The following SETD5 variants were observed in gnomAD, a reference collection of about 807,000 sequenced individuals.
SETD5 encodes the protein histone-lysine N-methyltransferase SETD5.
Under a neutral mutation model 153.3 loss-of-function variants are expected in SETD5, and 44 were observed. That is an observed-to-expected ratio of 0.29 (90% CI 0.23 to 0.37). The LOEUF is 0.37. SETD5 is among the 10% of genes least tolerant of loss of function. SETD5 has a pLI of 1.00. For synonymous variants in SETD5, 716 were observed against 645.2 expected (o/e 1.11, Z -1.66); for missense variants, 1,544 against 1,768.0 (o/e 0.87, Z 2.27).
intron 1 of SETD5, among the ~76,000 whole-genome samples, chr3:9,415,011 T>C (rs897173083): frequency 3.3e-5 from 5 of 152,202 alleles, no homozygotes; most frequent in Admixed American, 2.6e-4. Flanking sequence ...TCACTCTGTT[T>C]AGTGCTAGAA....
intron 17 of SETD5, among the ~76,000 whole-genome samples, chr3:9,455,948 T>C (rs375298602): frequency 1.3e-5 from 2 of 152,120 alleles, no homozygotes; most frequent in African/African-American, 4.8e-5. Context: ...TAAAAAGCAA[T>C]GTAGGAAAAT....
intron 1 of SETD5, among the ~76,000 whole-genome samples, chr3:9,400,085 C>G (rs2034514584): frequency 6.6e-6 from 1 of 152,162 alleles, no homozygotes; most frequent in South Asian, 2.1e-4. Flanking sequence ...AGAAACCTTG[C>G]TTTTCTGGGA....
At chr3:9,431,576 C>G in intron 3 of SETD5, 1 of 985,550 alleles carries the variant, frequency 1.0e-6, no homozygotes, top group Non-Finnish European at 1.2e-6. Context: ...GTTTCTTCAT[C>G]AGAAGATATG....
chr3:9,433,778 A>G, intron 3 of SETD5, 67 bp from the exon 4 acceptor site: 1 of 1,489,114 alleles, frequency 6.7e-7, no homozygotes, highest in Non-Finnish European at 9.4e-7. Context: ...AGAATGGGAA[A>G]TGAAGTGTTA....
Position 9,442,891 on chromosome 3 carries a change from T to A in SETD5, c.1078-417T>A, listed in dbSNP as rs2041473122. 8 of 169,658 alleles carry A rather than the reference T, an allele frequency of 4.7e-5. No individual in the cohort carries two copies. The South Asian group carries it at 9.7e-4, about 21-fold the overall frequency. The allele number at this position is 169,658 out of a possible 1,614,324, so 10.5% of individuals were successfully genotyped here. A position where few individuals can be genotyped will look rare whatever the true frequency, so the allele number is the denominator to read the frequency against. On this transcript the variant is annotated intron_variant, in intron 10 of 22. Coordinates refer to ENST00000402198, the MANE Select transcript of SETD5 (RefSeq NM_001080517.3). ...TCTCTACTAAAAAAAAATAGAAAAC[T>A]TAGCCAGGCATTGTGGCGTGTGCCT...
intron 17 of SETD5, among the ~76,000 whole-genome samples, chr3:9,456,033 ATTAC>A: frequency 6.6e-6 from 1 of 152,308 alleles, no homozygotes; most frequent in South Asian, 2.1e-4. Context: ...ATTCTGAGGA[ATTAC>A]TTTTATTTGT....
At chr3:9,443,253 T>C (rs2041529160) in intron 10 of SETD5, 55 bp from the exon 11 acceptor site, 2 of 1,279,358 alleles carry the variant, frequency 1.6e-6, no homozygotes, top group African/African-American at 1.5e-5. Flanking sequence ...TTTTTCTCTC[T>C]TACGGAAAGT....
intron 7 of SETD5, 109 bp from the exon 8 acceptor site, chr3:9,440,347 A>G (rs932357532): frequency 4.6e-6 from 3 of 648,198 alleles, no homozygotes; most frequent in Non-Finnish European, 8.4e-6. Flanking sequence ...ATGCCACATC[A>G]ATTGCCAAGT....
At chr3:9,437,673 TC>T (rs1559407986) in intron 7 of SETD5, among the ~76,000 whole-genome samples, 1 of 152,032 alleles carries the variant, frequency 6.6e-6, no homozygotes, top group Non-Finnish European at 1.5e-5. Flanking sequence ...AAAAGCAGGA[TC>T]TTTCCTATTG....
intron 16 of SETD5, among the ~76,000 whole-genome samples, chr3:9,451,609 C>A (rs2042636355): frequency 6.6e-6 from 1 of 152,144 alleles, no homozygotes; most frequent in Admixed American, 6.5e-5. Flanking sequence ...CCACGCCTGG[C>A]TAATATTCAT....
At position 9,448,339 on chromosome 3, in the gene SETD5, A is replaced by G. The variant is rs781142492; in HGVS notation, c.2104-49A>G. 8.8e-6 allele frequency: 14 copies of G among 1,593,456 alleles called. No homozygotes were observed. In the South Asian group the frequency reaches 1.5e-4, roughly 17 times the overall value. On this transcript the variant is annotated intron_variant, in intron 15 of 22. Coordinates refer to ENST00000402198, the MANE Select transcript of SETD5 (RefSeq NM_001080517.3). ...TAGATGACGTTTGTCTTTATGAACTACACTGCTACCTCTTGATTTATAAAC... is the reference window on the plus strand; with the variant it reads ...TAGATGACGTTTGTCTTTATGAACTGCACTGCTACCTCTTGATTTATAAAC...
intron 1 of SETD5, among the ~76,000 whole-genome samples, chr3:9,407,185 G>A (rs533835041): frequency 3.3e-5 from 5 of 152,008 alleles, no homozygotes; most frequent in African/African-American, 1.2e-4. Flanking sequence ...AAAATTACCC[G>A]GGCATGGTGG....
intron 1 of SETD5, among the ~76,000 whole-genome samples, chr3:9,406,607 C>CAAAAAA (rs746999028): frequency 0.13 from 13,070 of 98,500 alleles, 911 homozygotes; most frequent in Non-Finnish European, 0.2. Context: ...GACTCTGTCT[C>CAAAAAA]AAAAAAAAAA....
intron 1 of SETD5, among the ~76,000 whole-genome samples, chr3:9,400,596 T>C (rs1227595904): frequency 6.6e-6 from 1 of 152,242 alleles, no homozygotes; most frequent in Non-Finnish European, 1.5e-5. Flanking sequence ...TAAATATTTT[T>C]AATTTGTATA....
chr3:9,419,044 C>A (rs1408335322), intron 1 of SETD5, among the ~76,000 whole-genome samples: 1 of 152,010 alleles, frequency 6.6e-6, no homozygotes, highest in Non-Finnish European at 1.5e-5. Flanking sequence ...CCAGGCTGGT[C>A]TCAAACTCCT....
In SETD5 at chr3:9,434,910, A is replaced by G. The variant is rs375769972; in HGVS notation, c.388+28A>G. ...GAGCGGAAGATGGGTTAGGTCCACA[A>G]TTTGACATAAAAATATTCTGTGATC... On this transcript the variant is annotated intron_variant, in intron 6 of 22. Coordinates refer to ENST00000402198, the MANE Select transcript of SETD5 (RefSeq NM_001080517.3). The surrounding 1 kb of genome is among the most constrained non-coding windows in gnomAD (Gnocchi z 5.6). 40 of 1,606,668 alleles carry G rather than the reference A, an allele frequency of 2.5e-5. No homozygotes were observed. Among genetic ancestry groups the G allele is most frequent in the Non-Finnish European group, 3.4e-5 (40 of 1,176,640 alleles).
In SETD5 at chr3:9,470,549, T is replaced by G; in HGVS notation, c.2815T>G (p.Ser939Ala). The G allele has an allele frequency of 6.2e-7, 1 of 1,614,030 alleles. No homozygotes were observed. The highest frequency in any genetic ancestry group is 8.5e-7 in the Non-Finnish European group (1 of 1,179,886). ...TGCTGATAGACCTTCCCTACTCAACTCAGGTCATTCTGACCTGGCTCCTCA... is the reference window on the plus strand; with the variant it reads ...TGCTGATAGACCTTCCCTACTCAACGCAGGTCATTCTGACCTGGCTCCTCA... ...SCADRPSLLN[S>A]GHSDLAPHPS... The change falls in exon 19 of 23, where the codon TCA becomes GCA. Residue 939 changes from serine (S) to alanine (A), a missense_variant. Physicochemically the swap from Ser to Ala is moderately conservative, Grantham distance 99. This residue lies in a region of SETD5 where 782 missense variants were observed against 787.2 expected (regional missense o/e 0.99). Transcript: ENST00000402198.
chr3:9,415,670 CTTAA>C (rs886212122), intron 1 of SETD5, among the ~76,000 whole-genome samples: 25 of 152,034 alleles, frequency 1.6e-4, no homozygotes, highest in African/African-American at 5.8e-4. Context: ...AGTCTCAACT[CTTAA>C]TTAGGCTCAA....
At chr3:9,467,990 GA>G (rs1438932245) in intron 18 of SETD5, among the ~76,000 whole-genome samples, 1 of 151,484 alleles carries the variant, frequency 6.6e-6, no homozygotes, top group Non-Finnish European at 1.5e-5. Context: ...CATTCAAGAG[GA>G]ACTGGCCATC....
Sources: allele counts gnomAD v4.1 joint callset (sites outside exome capture counted in the v4.1 genomes callset), GRCh38; gene constraint gnomAD v4.1.1; regional missense constraint gnomAD v4.1.1; non-coding constraint Gnocchi (gnomAD v3.1); transcripts MANE v1.5; gene names NCBI Gene and HGNC (gene_info 2026-07-23, HGNC 2026-07-21).